Variants in RASGRF2 observed in about 807,000 individuals in gnomAD.
RASGRF2 encodes Ras protein specific guanine nucleotide releasing factor 2, also known as ras-specific guanine nucleotide-releasing factor 2.
RASGRF2 carries 76 observed loss-of-function variants against 151.0 expected under a neutral mutation model. That is an observed-to-expected ratio of 0.50 (90% CI 0.42 to 0.61). RASGRF2 has a LOEUF of 0.61. Among genes scored for constraint, RASGRF2 ranks in the 20% least tolerant of loss-of-function variants. The probability of loss-of-function intolerance (pLI) is 0.00; values close to 1 mark genes in which losing one functional copy is unlikely to be tolerated. For synonymous variants in RASGRF2, 504 were observed against 566.5 expected, an observed-to-expected ratio of 0.89 and a Z score of 1.57; for missense variants, 1,148 against 1,564.6, an observed-to-expected ratio of 0.73 and a Z score of 4.49.
chr5:81,164,565 T>G (rs1285119672), intron 17 of RASGRF2, among the ~76,000 whole-genome samples: 1 of 152,242 alleles, frequency 6.6e-6, no homozygotes, highest in Non-Finnish European at 1.5e-5. Flanking sequence ...TTTTTACAAG[T>G]ATCTGGTAGA....
chr5:81,101,721 T>A (rs1752703908), intron 12 of RASGRF2, among the ~76,000 whole-genome samples: 1 of 152,160 alleles, frequency 6.6e-6, no homozygotes, highest in South Asian at 2.1e-4. Context: ...TCAAAGACAT[T>A]TTTATATAAT....
intron 21 of RASGRF2, 27 bp from the exon 22 acceptor site, chr5:81,208,327 G>A: frequency 6.3e-7 from 1 of 1,595,928 alleles, no homozygotes. Context: ...AACTTAATTG[G>A]TTTTGTGTTT....
At chr5:81,005,123 C>T (rs1026041195) in intron 1 of RASGRF2, among the ~76,000 whole-genome samples, 6 of 152,156 alleles carry the variant, frequency 3.9e-5, no homozygotes, top group Non-Finnish European at 4.4e-5. Flanking sequence ...ATTATACCGT[C>T]CTTTGTGTCT....
At chr5:80,974,987 C>G (rs1748066242) in intron 1 of RASGRF2, among the ~76,000 whole-genome samples, 1 of 152,120 alleles carries the variant, frequency 6.6e-6, no homozygotes, top group Admixed American at 6.5e-5. Flanking sequence ...GAGAGCTTGT[C>G]TACTTCCAGT....
At chr5:81,203,364 A>C (rs1361457175) in intron 19 of RASGRF2, among the ~76,000 whole-genome samples, 2 of 152,208 alleles carry the variant, frequency 1.3e-5, no homozygotes, top group African/African-American at 4.8e-5. Flanking sequence ...CAATCCCCTC[A>C]AGACGCCCAT....
intron 17 of RASGRF2, among the ~76,000 whole-genome samples, chr5:81,166,612 G>A (rs1045080928): frequency 6.6e-6 from 1 of 152,022 alleles, no homozygotes; most frequent in Non-Finnish European, 1.5e-5. Context: ...TTGAGGAAAG[G>A]CCTCTGTGCA....
chr5:81,207,865 T>C (rs1755546214), intron 21 of RASGRF2, among the ~76,000 whole-genome samples: 1 of 152,210 alleles, frequency 6.6e-6, no homozygotes, highest in African/African-American at 2.4e-5. Flanking sequence ...ACGCAATCCC[T>C]GCCTTTGAAA....
intron 19 of RASGRF2, among the ~76,000 whole-genome samples, chr5:81,206,580 G>A (rs1342220146): frequency 6.6e-6 from 1 of 152,214 alleles, no homozygotes; most frequent in East Asian, 1.9e-4. Context: ...GACTCACTGT[G>A]ACGGTGGTTG....
At chr5:81,133,735 A>G (rs752407869) in intron 17 of RASGRF2, among the ~76,000 whole-genome samples, 4 of 152,218 alleles carry the variant, frequency 2.6e-5, no homozygotes, top group Non-Finnish European at 4.4e-5. Context: ...GTAAATTAAC[A>G]AAGTAGAGGA....
At chr5:80,967,817 G>T (rs556817461) in intron 1 of RASGRF2, among the ~76,000 whole-genome samples, 17 of 152,202 alleles carry the variant, frequency 1.1e-4, no homozygotes, top group Non-Finnish European at 2.5e-4. Flanking sequence ...CACAAAAGAA[G>T]TCATGACGAG....
intron 1 of RASGRF2, among the ~76,000 whole-genome samples, chr5:80,986,046 A>C (rs759238183): frequency 6.6e-6 from 1 of 152,208 alleles, no homozygotes; most frequent in Non-Finnish European, 1.5e-5. Context: ...TTTTTATTAT[A>C]GTAGTTAACA....
intron 17 of RASGRF2, among the ~76,000 whole-genome samples, chr5:81,178,771 C>T (rs1754840698): frequency 1.3e-5 from 2 of 151,984 alleles, no homozygotes; most frequent in South Asian, 4.1e-4. Context: ...CGGAGTCTCG[C>T]TCTGTCGCCC....
intron 12 of RASGRF2, among the ~76,000 whole-genome samples, chr5:81,104,085 T>C (rs1580317915): frequency 6.6e-6 from 1 of 152,010 alleles, no homozygotes. Context: ...AGCTTCAAGA[T>C]AGTCATTACT....
At chr5:81,128,555 A>G (rs761230775) in intron 17 of RASGRF2, among the ~76,000 whole-genome samples, 1 of 152,152 alleles carries the variant, frequency 6.6e-6, no homozygotes. Flanking sequence ...TAACTCAATT[A>G]CTGAGAACAC....
At chr5:81,157,272 A>G (rs1312530509) in intron 17 of RASGRF2, among the ~76,000 whole-genome samples, 1 of 151,086 alleles carries the variant, frequency 6.6e-6, no homozygotes, top group Non-Finnish European at 1.5e-5. Context: ...GGAGAATGGC[A>G]TGAACCCAGG....
At chr5:81,122,970 A>G (rs944115092) in intron 15 of RASGRF2, among the ~76,000 whole-genome samples, 5 of 152,206 alleles carry the variant, frequency 3.3e-5, no homozygotes, top group Admixed American at 2.6e-4. Flanking sequence ...GCTCTAGCTC[A>G]GAGATACCCA....
At chr5:81,108,601 A>G (rs1481315221) in intron 12 of RASGRF2, among the ~76,000 whole-genome samples, 1 of 152,220 alleles carries the variant, frequency 6.6e-6, no homozygotes, top group Non-Finnish European at 1.5e-5. Context: ...CCCTGGTTGC[A>G]GAAAATGAAT....
Position 81,207,327 on chromosome 5 carries a change from A to T in RASGRF2, c.3049A>T (p.Ile1017Phe). The T allele has an allele frequency of 6.2e-7, 1 of 1,614,040 alleles. No homozygotes were observed. Residue 1017 changes from isoleucine to phenylalanine, a missense_variant, in exon 21 of 27, where the codon ATT becomes TTT. Around this residue, in one of 5 missense-constraint regions of RASGRF2, gnomAD observed 646 missense variants for 807.4 expected, o/e 0.80. Transcript: ENST00000265080. Reference protein sequence around the residue: ...AEQITLLDHVIFRSIPYEEFL... With the variant: ...AEQITLLDHVFFRSIPYEEFL... Reference sequence around the variant, plus strand: ...ACAGATCACCCTCCTGGACCATGTCATTTTCAGAAGCATTCCCTACGAGTG... The same window carrying T: ...ACAGATCACCCTCCTGGACCATGTCTTTTTCAGAAGCATTCCCTACGAGTG...
At chr5:81,217,526 G>GA in intron 25 of RASGRF2, 53 bp downstream of exon 25, 2 of 1,173,128 alleles carry the variant, frequency 1.7e-6, no homozygotes, top group Non-Finnish European at 2.3e-6. Context: ...GGTTTATAGA[G>GA]AAGAGGCTAA....
Sources: gnomAD v4.1 joint callset for allele counts (sites outside exome capture counted in the v4.1 genomes callset) on GRCh38, gnomAD v4.1.1 for gene constraint, gnomAD v4.1.1 regional missense constraint, MANE v1.5 for transcripts, NCBI Gene and HGNC (gene_info 2026-07-23, HGNC 2026-07-21) for gene names.